MAPRE3: variants seen among roughly 807,000 people sequenced by gnomAD.
MAPRE3 encodes microtubule associated protein RP/EB family member 3, also known as microtubule-associated protein RP/EB family member 3.
MAPRE3 carries 2 observed loss-of-function variants against 30.5 expected under a neutral mutation model. The observed-to-expected ratio is 0.07, with a 90% CI of 0.03 to 0.21. The LOEUF is 0.21. Among genes scored for constraint, MAPRE3 ranks in the 10% least tolerant of loss-of-function variants. The pLI is 1.00. For missense variants in MAPRE3, 204 were observed against 351.8 expected (o/e 0.58, Z 3.36); for synonymous variants, 110 against 127.7 (o/e 0.86, Z 0.93).
chr2:26,984,405 A>T (rs527536329), intron 1 of MAPRE3, among the ~76,000 whole-genome samples: 35 of 152,252 alleles, frequency 2.3e-4, no homozygotes, highest in African/African-American at 7.0e-4. Context: ...CTAACATATT[A>T]TTTTTTTTAA....
At chr2:27,014,870 G>A (rs1215492038) in intron 1 of MAPRE3, 1 of 152,382 alleles carries the variant, frequency 6.6e-6, no homozygotes, top group African/African-American at 2.4e-5. Context: ...GGCAGGAAGG[G>A]GTAGCCCAGT....
At chr2:27,010,695 G>A (rs940155010) in intron 1 of MAPRE3, among the ~76,000 whole-genome samples, 1 of 151,934 alleles carries the variant, frequency 6.6e-6, no homozygotes, top group Admixed American at 6.6e-5. Flanking sequence ...CACCTGTCTC[G>A]GCCTCCCAAA....
chr2:27,006,075 G>A (rs540325251), intron 1 of MAPRE3, among the ~76,000 whole-genome samples: 131 of 152,160 alleles, frequency 8.6e-4, no homozygotes, highest in Non-Finnish European at 1.6e-3. Flanking sequence ...CCAGCTACTC[G>A]GGAGGCTGAG....
rs568032562 is a variant in MAPRE3, at chr2:26,990,480, A to G, written c.-8+19678A>G. ...TTGCAGAGGAATGAATCCTTCTCAG[A>G]TACCAAAGAATACCATGCAACCATC... On this transcript the variant is annotated intron_variant, in intron 1 of 6. Transcript: ENST00000233121. Among the ~76,000 whole-genome samples the G allele has an allele frequency of 1.9e-4, 29 of 152,324 alleles. No individual in the cohort carries two copies. In the South Asian group the frequency reaches 5.0e-3, roughly 26 times the overall value.
intron 1 of MAPRE3, among the ~76,000 whole-genome samples, chr2:27,000,334 C>T (rs1666565371): frequency 6.6e-6 from 1 of 152,124 alleles, no homozygotes; most frequent in South Asian, 2.1e-4. Flanking sequence ...GAGAGAGACC[C>T]GTGGACAGAT....
At chr2:27,000,002 C>T (rs573719353) in intron 1 of MAPRE3, among the ~76,000 whole-genome samples, 1 of 152,170 alleles carries the variant, frequency 6.6e-6, no homozygotes, top group East Asian at 1.9e-4. Context: ...TTTACAACTG[C>T]AGTAAGGAAG....
At chr2:26,995,780 G>GGTGTGTGTGTGTGTGTGT (rs1276648645) in intron 1 of MAPRE3, among the ~76,000 whole-genome samples, 2,607 of 109,650 alleles carry the variant, frequency 0.024, 216 homozygotes, top group East Asian at 0.08. Flanking sequence ...TTCTAAGAGA[G>GGTGTGTGTGTGTGTGTGT]GTGTGTGTGT....
intron 1 of MAPRE3, among the ~76,000 whole-genome samples, chr2:26,971,152 TCTCCCTCCTC>T (rs1209732555): frequency 1.3e-5 from 2 of 152,056 alleles, no homozygotes; most frequent in Non-Finnish European, 1.5e-5. Flanking sequence ...CCTTATCCCT[TCTCCCTCCTC>T]CTCACTCCTC....
chr2:27,025,882 G>C lies in MAPRE3; in HGVS notation c.627G>C (p.Leu209=), dbSNP rs768211320. Residue 209 remains leucine (L), a splice_region_variant and synonymous_variant, in exon 6 of 7, where the codon CTG becomes CTC. Coordinates refer to ENST00000233121, the MANE Select transcript of MAPRE3 (RefSeq NM_012326.4). ...AACATCACTTTGTCCCCAAGCAGCT[G>C]GTGGACTTGAAGCTGACAGTGGATG... ...DAQILELNQQ[L]VDLKLTVDGL... is the part of the protein sequence containing the mutation. 6.2e-7 allele frequency: 1 copy of C among 1,614,188 alleles called. No homozygotes were observed. The highest frequency in any genetic ancestry group is 1.7e-5 in the Admixed American group (1 of 60,026).
chr2:26,993,112 G>A (rs1666383418), intron 1 of MAPRE3, among the ~76,000 whole-genome samples: 1 of 152,162 alleles, frequency 6.6e-6, no homozygotes, highest in Non-Finnish European at 1.5e-5. Context: ...GCTCACCCCT[G>A]TAATCCCAGC....
At chr2:26,983,540 A>G (rs1386436542) in intron 1 of MAPRE3, among the ~76,000 whole-genome samples, 2 of 152,202 alleles carry the variant, frequency 1.3e-5, no homozygotes, top group Non-Finnish European at 2.9e-5. Context: ...CTCGAAGGGT[A>G]TTGAGAACTC....
Position 27,025,575 on chromosome 2 carries a change from C to G in MAPRE3, c.470-8C>G. Reference sequence around the variant, plus strand: ...CGTGGACTTACCTGACTCTTTTCCTCTGGGCAGTTCCACAGAGGACGTCCC... The same window carrying G: ...CGTGGACTTACCTGACTCTTTTCCTGTGGGCAGTTCCACAGAGGACGTCCC... On this transcript the variant is annotated splice_region_variant and splice_polypyrimidine_tract_variant and intron_variant, in intron 4 of 6. Coordinates refer to ENST00000233121, the MANE Select transcript of MAPRE3 (RefSeq NM_012326.4). 6.4e-7 allele frequency: 1 copy of G among 1,560,456 alleles called. No homozygotes were observed. Among genetic ancestry groups the G allele is most frequent in the Non-Finnish European group, 8.7e-7 (1 of 1,155,664 alleles).
intron 1 of MAPRE3, among the ~76,000 whole-genome samples, chr2:26,982,584 G>T (rs1666137778): frequency 6.6e-6 from 1 of 152,238 alleles, no homozygotes; most frequent in Non-Finnish European, 1.5e-5. Context: ...GCATTGTGTT[G>T]CCTGTGGAAT....
At chr2:26,987,717 A>C (rs550303283) in intron 1 of MAPRE3, among the ~76,000 whole-genome samples, 1 of 152,300 alleles carries the variant, frequency 6.6e-6, no homozygotes, top group African/African-American at 2.4e-5. Flanking sequence ...GAGATCTGAC[A>C]ATCAATAAAG....
intron 1 of MAPRE3, among the ~76,000 whole-genome samples, chr2:27,018,250 C>T (rs1336234784): frequency 6.6e-6 from 1 of 152,172 alleles, no homozygotes; most frequent in East Asian, 1.9e-4. Context: ...CACAGCTGGC[C>T]CAGAATCACT....
At position 27,022,957 on chromosome 2, in the gene MAPRE3, C is replaced by T. The variant is rs536108855; in HGVS notation, c.122-375C>T. ...GATGGCAGCAGAGCCACAGGTCTGACCACACCTCTCTGGGTCCAGCTCTCA... is the reference window on the plus strand; with the variant it reads ...GATGGCAGCAGAGCCACAGGTCTGATCACACCTCTCTGGGTCCAGCTCTCA... On this transcript the variant is annotated intron_variant, in intron 2 of 6. Transcript: ENST00000233121. The T allele has an allele frequency of 1.0e-4, 19 of 181,758 alleles. No individual in the cohort carries two copies. The South Asian group carries it at 2.1e-3, about 20-fold the overall frequency. 11.3% of individuals were successfully genotyped at this position (181,758 alleles called of 1,614,324 possible). A position where few individuals can be genotyped will look rare whatever the true frequency, so the allele number is the denominator to read the frequency against.
intron 1 of MAPRE3, among the ~76,000 whole-genome samples, chr2:26,972,499 C>T (rs574220413): frequency 1.3e-5 from 2 of 152,264 alleles, no homozygotes; most frequent in Admixed American, 1.3e-4. Context: ...TCTTCTGTTT[C>T]GAATGCCAGA....
intron 1 of MAPRE3, chr2:27,011,790 G>A (rs1486060904): frequency 6.9e-6 from 1 of 144,288 alleles, no homozygotes; most frequent in Non-Finnish European, 1.5e-5. Flanking sequence ...AGGTTGCAGT[G>A]AGCTGAGATC....
rs1035423894 is a variant in MAPRE3, at chr2:26,985,515, C to T, written c.-8+14713C>T. On this transcript the variant is annotated intron_variant, in intron 1 of 6. Coordinates refer to ENST00000233121, the MANE Select transcript of MAPRE3 (RefSeq NM_012326.4). The surrounding 1 kb of genome is among the most constrained non-coding windows in gnomAD (Gnocchi z 4.2). ...GTGCTGTACCATACTGCCATGGCCACAGGGCAACCACCATAACTCAGAGCA... is the reference window on the plus strand; with the variant it reads ...GTGCTGTACCATACTGCCATGGCCATAGGGCAACCACCATAACTCAGAGCA... Among the ~76,000 whole-genome samples, 7 of 152,180 alleles carry T rather than the reference C, an allele frequency of 4.6e-5. No homozygotes were observed. The highest frequency in any genetic ancestry group is 7.2e-5 in the African/African-American group (3 of 41,444).
Sources: gnomAD v4.1 joint callset for allele counts (sites outside exome capture counted in the v4.1 genomes callset) on GRCh38, gnomAD v4.1.1 for gene constraint, Gnocchi (gnomAD v3.1) non-coding constraint, MANE v1.5 for transcripts, NCBI Gene and HGNC (gene_info 2026-07-23, HGNC 2026-07-21) for gene names.